Variants in NTPCR observed in about 807,000 individuals in gnomAD.
NTPCR encodes nucleoside-triphosphatase, cancer-related, also known as cancer-related nucleoside-triphosphatase.
In NTPCR, 15 loss-of-function variants were observed where a neutral mutation model predicts 19.5. The observed-to-expected ratio is 0.77, with a 90% confidence interval of 0.51 to 1.18. The LOEUF (loss-of-function observed/expected upper bound fraction) is 1.18, where lower values mean the gene tolerates loss of function less well. Ranked by LOEUF, NTPCR falls within the 50% of genes most tolerant of loss-of-function variation. The probability of loss-of-function intolerance (pLI) is 0.00; values close to 1 mark genes in which losing one functional copy is unlikely to be tolerated. For missense variants in NTPCR, 206 were observed against 240.4 expected (o/e 0.86, Z 0.95); for synonymous variants, 90 against 95.8 (o/e 0.94, Z 0.36).
intron 1 of NTPCR, among the ~76,000 whole-genome samples, chr1:232,953,667 A>G (rs548923038): frequency 6.6e-6 from 1 of 152,344 alleles, no homozygotes; most frequent in Admixed American, 6.5e-5. Flanking sequence ...TTTGAACATC[A>G]GAAATCAACA....
intron 4 of NTPCR, among the ~76,000 whole-genome samples, chr1:232,974,509 A>G (rs1285594599): frequency 6.6e-6 from 1 of 152,208 alleles, no homozygotes; most frequent in Non-Finnish European, 1.5e-5. Context: ...CAAAACGATA[A>G]CATTCTCTGA....
chr1:232,960,349 CTTT>C (rs796692879), intron 3 of NTPCR, among the ~76,000 whole-genome samples: 3 of 142,286 alleles, frequency 2.1e-5, no homozygotes, highest in Admixed American at 7.0e-5. Flanking sequence ...TTTTCTTTTC[CTTT>C]TTTTTTTTTG....
chr1:232,954,430 C>T (rs369458883), intron 1 of NTPCR, among the ~76,000 whole-genome samples: 3 of 152,334 alleles, frequency 2.0e-5, no homozygotes, highest in East Asian at 3.9e-4. Flanking sequence ...TCTGTAGTAT[C>T]TCAAAATAGC....
At chr1:232,971,238 C>T (rs1230273750) in intron 4 of NTPCR, among the ~76,000 whole-genome samples, 3 of 152,184 alleles carry the variant, frequency 2.0e-5, no homozygotes, top group African/African-American at 7.2e-5. Flanking sequence ...ACACCTCACT[C>T]CCCACCCCCA....
chr1:232,981,415 C>T lies in NTPCR; in HGVS notation c.*3184C>T, dbSNP rs1241886889. 6.6e-6 allele frequency: 1 copy of T among 152,250 alleles called. No individual in the cohort carries two copies. The highest frequency in any genetic ancestry group is 1.5e-5 in the Non-Finnish European group (1 of 68,052). 9.4% of individuals were successfully genotyped at this position (152,250 alleles called of 1,614,324 possible). Reference sequence around the variant, plus strand: ...CATAGAAGGTTGTGTCTGTGGATCACACCTGTGTGTGTGCTGATGGCGGAT... The same window carrying T: ...CATAGAAGGTTGTGTCTGTGGATCATACCTGTGTGTGTGCTGATGGCGGAT... On this transcript the variant is annotated 3_prime_UTR_variant, in exon 5 of 5. Transcript: ENST00000366628.
At chr1:232,968,026 T>C (rs980163965) in intron 3 of NTPCR, 2 of 152,212 alleles carry the variant, frequency 1.3e-5, no homozygotes, top group African/African-American at 4.8e-5. Flanking sequence ...ACTTACTTCA[T>C]AGATGCTCTG....
rs1034692211 is a variant in NTPCR at position 232,978,191 on chromosome 1, T to G, written c.533T>G (p.Leu178Arg). ...NVTKENRNHL[L>R]PDIVTCVQSS... The stretch of plus-strand genomic sequence containing the variant: ...ACCAAGGAAAACAGAAACCACCTTC[T>G]GCCAGATATCGTGACGTGCGTGCAG... Residue 178 changes from leucine to arginine, a missense_variant, in exon 5 of 5, where the codon CTG becomes CGG. Leu to Arg is a moderately radical substitution (Grantham distance 102, BLOSUM62 -2). Transcript: ENST00000366628. The G allele has an allele frequency of 4.3e-6, 7 of 1,614,094 alleles. No individual in the cohort carries two copies. In the African/African-American group the frequency reaches 6.7e-5, roughly 15 times the overall value.
chr1:232,956,432 G>A lies in NTPCR; in HGVS notation c.283G>A (p.Val95Ile), dbSNP rs1300702585. 3.7e-6 allele frequency: 6 copies of A among 1,610,044 alleles called. No individual in the cohort carries two copies. Among genetic ancestry groups the A allele is most frequent in the Middle Eastern group, 1.6e-4 (1 of 6,080 alleles). ...TTCTTTTGAGCAGTTGGCACTACCCGTCTTGAGGAATGTGAGTACGTGATT... is the reference window on the plus strand; with the variant it reads ...TTCTTTTGAGCAGTTGGCACTACCCATCTTGAGGAATGTGAGTACGTGATT... ...LTSFEQLALP[V>I]LRNADCSSGP... is the part of the protein sequence containing the mutation. The change falls in exon 3 of 5, where the codon GTC becomes ATC. Residue 95 changes from valine to isoleucine, a missense_variant. Transcript: ENST00000366628.
intron 3 of NTPCR, chr1:232,964,375 T>C (rs1268782936): frequency 6.6e-6 from 1 of 152,240 alleles, no homozygotes; most frequent in East Asian, 1.9e-4. Context: ...GATTACCTGA[T>C]CAAGGACTTG....
intron 3 of NTPCR, chr1:232,969,689 T>C: frequency 2.1e-6 from 1 of 476,498 alleles, no homozygotes; most frequent in Non-Finnish European, 3.8e-6. Flanking sequence ...GCTGCCAGCT[T>C]CCAAGAGTCC....
chr1:232,965,559 A>T (rs1165758421), intron 3 of NTPCR: 2 of 152,280 alleles, frequency 1.3e-5, no homozygotes, highest in Non-Finnish European at 2.9e-5. Context: ...GAGGTGGTGG[A>T]TGGCAGTACC....
intron 4 of NTPCR, among the ~76,000 whole-genome samples, chr1:232,973,084 G>C (rs968050345): frequency 4.6e-5 from 7 of 152,168 alleles, no homozygotes; most frequent in Non-Finnish European, 1.0e-4. Flanking sequence ...CAGAGTCAGC[G>C]TCCCCTTGCT....
intron 3 of NTPCR, chr1:232,969,600 A>C (rs981451966): frequency 2.5e-5 from 7 of 283,044 alleles, no homozygotes; most frequent in African/African-American, 1.5e-4. Context: ...CATCCTTTAG[A>C]TCTCAGATTC....
chr1:232,954,461 A>C (rs994680252), intron 1 of NTPCR, among the ~76,000 whole-genome samples: 16 of 152,186 alleles, frequency 1.1e-4, no homozygotes, highest in African/African-American at 3.6e-4. Flanking sequence ...ACATGCTAGG[A>C]GTTTTCTCTC....
intron 4 of NTPCR, among the ~76,000 whole-genome samples, chr1:232,975,939 C>G (rs1274116337): frequency 6.6e-6 from 1 of 152,160 alleles, no homozygotes; most frequent in African/African-American, 2.4e-5. Flanking sequence ...GGCAAAGACT[C>G]CTGAGGTTGG....
chr1:232,956,226 T>G, intron 2 of NTPCR, 121 bp from the exon 3 acceptor site: 1 of 706,658 alleles, frequency 1.4e-6, no homozygotes, highest in Non-Finnish European at 2.5e-6. Flanking sequence ...CCGCATTTTG[T>G]GTTGGTCATT....
At chr1:232,969,693 A>C in intron 3 of NTPCR, 1 of 480,324 alleles carries the variant, frequency 2.1e-6, no homozygotes, top group Non-Finnish European at 3.8e-6. Flanking sequence ...CCAGCTTCCA[A>C]GAGTCCTAAT....
At chr1:232,956,467 T>G (rs1668516150) in intron 3 of NTPCR, 24 bp downstream of exon 3, 1 of 1,466,928 alleles carries the variant, frequency 6.8e-7, no homozygotes, top group East Asian at 2.3e-5. Context: ...TTCTGCTTTT[T>G]GAACCCATCT....
intron 1 of NTPCR, among the ~76,000 whole-genome samples, chr1:232,954,751 G>A (rs888939417): frequency 9.2e-5 from 14 of 152,192 alleles, no homozygotes; most frequent in African/African-American, 3.1e-4. Flanking sequence ...GCTCCATGAC[G>A]TCAGTGATGA....
Sources: allele counts gnomAD v4.1 joint callset (sites outside exome capture counted in the v4.1 genomes callset), GRCh38; gene constraint gnomAD v4.1.1; transcripts MANE v1.5; gene names NCBI Gene and HGNC (gene_info 2026-07-23, HGNC 2026-07-21).